The following HDAC4 variants were observed in gnomAD, a reference collection of about 807,000 sequenced individuals.
The protein encoded by HDAC4 is histone deacetylase 4, also known as histone deacetylase A.
Under a neutral mutation model 135.1 loss-of-function variants are expected in HDAC4, and 16 were observed. The ratio of observed to expected loss-of-function variants is 0.12; its 90% confidence interval spans 0.08 to 0.18. HDAC4 has a LOEUF of 0.18. HDAC4 is among the 10% of genes least tolerant of loss of function. The pLI is 1.00. For synonymous variants in HDAC4, 685 were observed against 653.4 expected (o/e 1.05, Z -0.74); for missense variants, 1,143 against 1,511.8 (o/e 0.76, Z 4.05).
intron 8 of HDAC4, among the ~76,000 whole-genome samples, chr2:239,142,325 C>T (rs1009276248): frequency 6.6e-6 from 1 of 152,188 alleles, no homozygotes; most frequent in African/African-American, 2.4e-5. Flanking sequence ...ATCGGCTCCA[C>T]TCCTCCGTGT....
chr2:239,296,927 T>C (rs900551198), intron 2 of HDAC4, among the ~76,000 whole-genome samples: 1 of 151,722 alleles, frequency 6.6e-6, no homozygotes, highest in Non-Finnish European at 1.5e-5. Flanking sequence ...AATATTTGAT[T>C]GTCCCCGCCA....
intron 2 of HDAC4, among the ~76,000 whole-genome samples, chr2:239,334,040 C>T (rs1469183464): frequency 1.3e-5 from 2 of 152,020 alleles, no homozygotes; most frequent in East Asian, 1.9e-4. Context: ...AAACATTCAC[C>T]GTCCATAGAC....
chr2:239,150,393 A>G (rs1473851056), intron 7 of HDAC4, among the ~76,000 whole-genome samples: 1 of 151,940 alleles, frequency 6.6e-6, no homozygotes, highest in African/African-American at 2.4e-5. Context: ...AAACACAGAA[A>G]CGCACACAGA....
chr2:239,139,151 C>T lies in HDAC4; in HGVS notation c.978+533G>A, dbSNP rs541628172. ...AAGTTCCCCGCTCTGTGGCTTTGGC[C>T]GGCCCTGCCATGCTGACCACGGGTG... On this transcript the variant is annotated intron_variant, in intron 9 of 26. Coordinates refer to ENST00000543185, the MANE Select transcript of HDAC4 (RefSeq NM_001378414.1). The surrounding 1 kb of genome is among the most constrained non-coding windows in gnomAD (Gnocchi z 5.3). Among the ~76,000 whole-genome samples the T allele has an allele frequency of 2.6e-5, 4 of 152,344 alleles. No homozygotes were observed. Among genetic ancestry groups the T allele is most frequent in the South Asian group, 2.1e-4 (1 of 4,830 alleles).
intron 2 of HDAC4, among the ~76,000 whole-genome samples, chr2:239,283,376 G>T (rs375120747): frequency 2.0e-5 from 3 of 152,238 alleles, no homozygotes; most frequent in Admixed American, 6.5e-5. Context: ...CAGGAGCTGC[G>T]GGGCTCCTCA....
intron 2 of HDAC4, among the ~76,000 whole-genome samples, chr2:239,253,875 G>C (rs1197309950): frequency 6.6e-6 from 1 of 152,160 alleles, no homozygotes; most frequent in African/African-American, 2.4e-5. Context: ...GGGTGGGCAG[G>C]AGAGGTGGCC....
chr2:239,065,682 C>G (rs957818711), intron 24 of HDAC4, among the ~76,000 whole-genome samples: 12 of 152,228 alleles, frequency 7.9e-5, no homozygotes, highest in African/African-American at 2.7e-4. Flanking sequence ...CCTGGCAAGG[C>G]CTCTGCATCT....
Position 239,090,018 on chromosome 2 carries a change from C to T in HDAC4, c.2379G>A (p.Gly793=). Residue 793 remains glycine (G), a synonymous_variant, in exon 18 of 27, where the codon GGG becomes GGA. Coordinates refer to ENST00000543185, the MANE Select transcript of HDAC4 (RefSeq NM_001378414.1). ...CCAGGCCCCGACTGACCTTCAGCTC[C>T]CCTGTGGCCACCTTGAAGACCAGCT... The part of the protein sequence containing the change: ...VVELVFKVAT[G]ELKNGFAVVR... The T allele has an allele frequency of 1.2e-6, 2 of 1,613,064 alleles. No individual in the cohort carries two copies. The highest frequency in any genetic ancestry group is 1.7e-6 in the Non-Finnish European group (2 of 1,179,226).
At chr2:239,073,293 T>A (rs570559467) in intron 22 of HDAC4, among the ~76,000 whole-genome samples, 7 of 152,300 alleles carry the variant, frequency 4.6e-5, no homozygotes, top group African/African-American at 1.7e-4. Flanking sequence ...GAAAGTGCTT[T>A]CCAAGGACAC....
chr2:239,307,682 T>C lies in HDAC4; in HGVS notation c.22+44996A>G, dbSNP rs10187532. ...GCAAGAGAAGCCCTCCTCACTCAGA[T>C]GACGTTCTCATGACCGCACTTGGTC... On this transcript the variant is annotated intron_variant, in intron 2 of 26. Transcript: ENST00000543185. This position sits in a 1 kb window ranked among gnomAD's most constrained non-coding sequence, Gnocchi z 4.8. Among the ~76,000 whole-genome samples, 27,439 of 152,180 alleles carry C rather than the reference T, an allele frequency of 0.18. 3,566 individuals are homozygous for C. The highest frequency in any genetic ancestry group is 0.49 in the East Asian group (2,554 of 5,172).
chr2:239,219,496 C>A (rs1179461045), intron 3 of HDAC4, among the ~76,000 whole-genome samples: 1 of 151,976 alleles, frequency 6.6e-6, no homozygotes, highest in Non-Finnish European at 1.5e-5. Flanking sequence ...GGAGGGATAG[C>A]ATTAAGAGAT....
At chr2:239,253,732 C>A (rs2048907654) in intron 2 of HDAC4, among the ~76,000 whole-genome samples, 1 of 152,098 alleles carries the variant, frequency 6.6e-6, no homozygotes, top group African/African-American at 2.4e-5. Context: ...GAGAAGACCC[C>A]AATTACCAGA....
chr2:239,199,720 G>C (rs56250187), intron 3 of HDAC4, among the ~76,000 whole-genome samples: 37,732 of 148,846 alleles, frequency 0.25, 4,853 homozygotes, highest in African/African-American at 0.3. Context: ...ATGCTTTGGG[G>C]TCTTCCTGTA....
In HDAC4 at chr2:239,082,175, G is replaced by A. The variant is rs759059881; in HGVS notation, c.2579C>T (p.Pro860Leu). Residue 860 changes from proline (P) to leucine (L), a missense_variant, in exon 21 of 27, where the codon CCC (proline) becomes CTC (leucine). Around this residue, in one of 9 missense-constraint regions of HDAC4, gnomAD observed 189 missense variants for 317.6 expected, o/e 0.60. Coordinates refer to ENST00000543185, the MANE Select transcript of HDAC4 (RefSeq NM_001378414.1). Reference sequence around the variant, plus strand: ...GTGGAGGGACATGTACAGGACGCTGGGGTCGCTGTAGAAAGCCTGCTGGGT... The same window carrying A: ...GTGGAGGGACATGTACAGGACGCTGAGGTCGCTGTAGAAAGCCTGCTGGGT... ...NGTQQAFYSD[P>L]SVLYMSLHRY... 1 of 1,614,154 alleles carries A rather than the reference G, an allele frequency of 6.2e-7. No homozygotes were observed. Among genetic ancestry groups the A allele is most frequent in the South Asian group, 1.1e-5 (1 of 91,088 alleles).
At chr2:239,284,105 T>C (rs114498592) in intron 2 of HDAC4, among the ~76,000 whole-genome samples, 5,499 of 152,246 alleles carry the variant, frequency 0.036, 126 homozygotes, top group East Asian at 0.08. Context: ...GCTTTCCACG[T>C]CTCTCCACAT....
At chr2:239,398,325 G>A (rs562775504) in intron 1 of HDAC4, among the ~76,000 whole-genome samples, 1 of 152,328 alleles carries the variant, frequency 6.6e-6, no homozygotes, top group South Asian at 2.1e-4. Context: ...ACAGCATAAA[G>A]TCGCCTTTCC....
intron 12 of HDAC4, among the ~76,000 whole-genome samples, chr2:239,117,411 C>A (rs1448283838): frequency 6.6e-6 from 1 of 152,042 alleles, no homozygotes; most frequent in African/African-American, 2.4e-5. Context: ...GGACAGACTG[C>A]ATATGGAGAG....
chr2:239,174,373 C>T (rs2043627058), intron 5 of HDAC4, among the ~76,000 whole-genome samples: 1 of 148,088 alleles, frequency 6.8e-6, no homozygotes, highest in Non-Finnish European at 1.5e-5. Flanking sequence ...CTGGAACAAG[C>T]ACTTCACAAA....
intron 3 of HDAC4, among the ~76,000 whole-genome samples, chr2:239,199,316 T>C (rs1296341096): frequency 6.6e-6 from 1 of 151,998 alleles, no homozygotes; most frequent in East Asian, 1.9e-4. Flanking sequence ...TTTTTTGTGT[T>C]GCGAAGGCTC....
Sources: gnomAD v4.1 joint callset for allele counts (sites outside exome capture counted in the v4.1 genomes callset) on GRCh38, gnomAD v4.1.1 for gene constraint, gnomAD v4.1.1 regional missense constraint, Gnocchi (gnomAD v3.1) non-coding constraint, MANE v1.5 for transcripts, NCBI Gene and HGNC (gene_info 2026-07-23, HGNC 2026-07-21) for gene names.